The following BNC2 variants were observed in gnomAD, a reference collection of about 807,000 sequenced individuals.
BNC2 encodes the protein basonuclin zinc finger protein 2, also known as zinc finger protein basonuclin-2.
Under a neutral mutation model 76.3 loss-of-function variants are expected in BNC2, and 20 were observed. The observed-to-expected ratio is 0.26, with a 90% CI of 0.18 to 0.38. The LOEUF is 0.38. Among genes scored for constraint, BNC2 ranks in the 10% least tolerant of loss-of-function variants. The pLI is 1.00. For synonymous variants in BNC2, 582 were observed against 514.8 expected (o/e 1.13, Z -1.77); for missense variants, 1,382 against 1,399.8 (o/e 0.99, Z 0.20).
intron 3 of BNC2, among the ~76,000 whole-genome samples, chr9:16,698,462 G>A (rs1047200467): frequency 1.1e-4 from 17 of 152,152 alleles, no homozygotes; most frequent in Admixed American, 3.3e-4. Flanking sequence ...AAGCTGAGGC[G>A]GGAGGATCAC....
chr9:16,679,234 T>C (rs1031709114), intron 3 of BNC2, among the ~76,000 whole-genome samples: 1 of 152,136 alleles, frequency 6.6e-6, no homozygotes, highest in Non-Finnish European at 1.5e-5. Flanking sequence ...ACATCCTCTC[T>C]ACCTACCCAT....
intron 3 of BNC2, among the ~76,000 whole-genome samples, chr9:16,668,188 G>T (rs867623647): frequency 6.6e-6 from 1 of 152,162 alleles, no homozygotes; most frequent in Non-Finnish European, 1.5e-5. Context: ...AGACCTCACT[G>T]TGTTGCCCAG....
At chr9:16,670,810 C>T (rs1338799203) in intron 3 of BNC2, among the ~76,000 whole-genome samples, 1 of 152,190 alleles carries the variant, frequency 6.6e-6, no homozygotes, top group Admixed American at 6.5e-5. Flanking sequence ...TACTCCAGAG[C>T]TCTCTATGCT....
At chr9:16,701,738 T>G (rs1012698649) in intron 3 of BNC2, among the ~76,000 whole-genome samples, 1 of 151,132 alleles carries the variant, frequency 6.6e-6, no homozygotes, top group African/African-American at 2.4e-5. Context: ...GGCCAGGAGT[T>G]CAAGACTAGC....
At chr9:16,744,133 A>AT (rs368807707) in intron 1 of BNC2, among the ~76,000 whole-genome samples, 1,616 of 151,220 alleles carry the variant, frequency 0.011, 30 homozygotes, top group African/African-American at 0.037. Context: ...CGCCCGGCTA[A>AT]TTTTTTTTTG....
chr9:16,432,378 T>C (rs1820924801), intron 6 of BNC2, among the ~76,000 whole-genome samples: 1 of 152,178 alleles, frequency 6.6e-6, no homozygotes, highest in Non-Finnish European at 1.5e-5. Context: ...GACCTGGAAA[T>C]CTTTGCTAAT....
At chr9:16,603,559 C>T (rs7032772) in intron 3 of BNC2, among the ~76,000 whole-genome samples, 127,764 of 152,086 alleles carry the variant, frequency 0.84, 55,728 homozygotes, top group East Asian at 1. Context: ...TACATAAACA[C>T]TATTTATCAG....
chr9:16,785,454 G>A (rs1241909658), intron 1 of BNC2, among the ~76,000 whole-genome samples: 3 of 151,948 alleles, frequency 2.0e-5, no homozygotes, highest in African/African-American at 4.8e-5. Flanking sequence ...GAGTGCAGTG[G>A]CTCGTTATTG....
chr9:16,672,849 A>G (rs1161341466), intron 3 of BNC2, among the ~76,000 whole-genome samples: 1 of 152,230 alleles, frequency 6.6e-6, no homozygotes, highest in East Asian at 1.9e-4. Flanking sequence ...GGTAAATAAA[A>G]TCTACATCTT....
At chr9:16,627,765 T>C (rs1285037559) in intron 3 of BNC2, among the ~76,000 whole-genome samples, 4 of 152,312 alleles carry the variant, frequency 2.6e-5, no homozygotes, top group South Asian at 2.1e-4. Flanking sequence ...TCACCCGTCA[T>C]GGGCATTTTT....
intron 6 of BNC2, among the ~76,000 whole-genome samples, chr9:16,432,261 T>G (rs529584485): frequency 2.6e-5 from 4 of 152,300 alleles, no homozygotes; most frequent in African/African-American, 9.6e-5. Context: ...CTAACAAATC[T>G]TGCATGTGTC....
chr9:16,480,340 C>T (rs1363201267), intron 5 of BNC2, among the ~76,000 whole-genome samples: 2 of 152,366 alleles, frequency 1.3e-5, no homozygotes, highest in East Asian at 1.9e-4. Context: ...GAGGTGACAG[C>T]GTGCTGGCAG....
At chr9:16,580,341 T>C (rs1452097444) in intron 4 of BNC2, among the ~76,000 whole-genome samples, 1 of 152,026 alleles carries the variant, frequency 6.6e-6, no homozygotes, top group Non-Finnish European at 1.5e-5. Context: ...TATCTCCCTG[T>C]TGTGGGAAAA....
chr9:16,747,853 C>T (rs1051779436), intron 1 of BNC2, among the ~76,000 whole-genome samples: 1 of 152,188 alleles, frequency 6.6e-6, no homozygotes, highest in Non-Finnish European at 1.5e-5. Flanking sequence ...TCTGGGAAGG[C>T]TCTGTTTTCT....
chr9:16,527,844 G>A (rs763232205), intron 5 of BNC2, among the ~76,000 whole-genome samples: 8 of 152,210 alleles, frequency 5.3e-5, no homozygotes, highest in Non-Finnish European at 8.8e-5. Flanking sequence ...TACAAATTAA[G>A]GTGGGAGAGA....
chr9:16,433,983 T>C (rs550741849), intron 6 of BNC2, among the ~76,000 whole-genome samples: 6 of 152,322 alleles, frequency 3.9e-5, no homozygotes, highest in South Asian at 2.1e-4. Flanking sequence ...TTGGGTACAG[T>C]ATTTTATTAT....
In BNC2 at chr9:16,426,979, A is replaced by G. The variant is rs574080702; in HGVS notation, c.2640-7330T>C. On this transcript the variant is annotated intron_variant, in intron 6 of 6. Coordinates refer to ENST00000380672, the MANE Select transcript of BNC2 (RefSeq NM_017637.6). ...GAGAAATGAGAGAGCAAAGTGATCT[A>G]AAGAAACCACTGAGTTCATCTTGCT... Among the ~76,000 whole-genome samples, 13 of 152,352 alleles carry G rather than the reference A, an allele frequency of 8.5e-5. No individual in the cohort carries two copies. The South Asian group carries it at 2.5e-3, about 29-fold the overall frequency.
chr9:16,550,968 T>C (rs770052933), intron 5 of BNC2, among the ~76,000 whole-genome samples: 11 of 152,134 alleles, frequency 7.2e-5, no homozygotes, highest in Non-Finnish European at 1.6e-4. Flanking sequence ...GGGGCCAGTA[T>C]AAGCAGGGAT....
At chr9:16,611,478 CA>C (rs1820543585) in intron 3 of BNC2, among the ~76,000 whole-genome samples, 1 of 152,074 alleles carries the variant, frequency 6.6e-6, no homozygotes, top group South Asian at 2.1e-4. Flanking sequence ...GGTTATCATA[CA>C]AAAATCCAGG....
Sources: allele counts gnomAD v4.1 joint callset (sites outside exome capture counted in the v4.1 genomes callset), GRCh38; gene constraint gnomAD v4.1.1; transcripts MANE v1.5; gene names NCBI Gene and HGNC (gene_info 2026-07-23, HGNC 2026-07-21).